The following SLC47A2 variants were observed in gnomAD, a reference collection of about 807,000 sequenced individuals.
SLC47A2 encodes solute carrier family 47 member 2, also known as multidrug and toxin extrusion protein 2.
In SLC47A2, 52 loss-of-function variants were observed where a neutral mutation model predicts 67.7. The ratio of observed to expected loss-of-function variants is 0.77; its 90% CI spans 0.61 to 0.97. The LOEUF (loss-of-function observed/expected upper bound fraction) is 0.97. Ranked by LOEUF, SLC47A2 falls within the 50% of genes least tolerant of loss-of-function variation. SLC47A2 has a pLI of 0.00. For missense variants in SLC47A2, 676 were observed against 712.3 expected (o/e 0.95, Z 0.58); for synonymous variants, 278 against 292.9 (o/e 0.95, Z 0.52).
At chr17:19,705,571 G>A (rs899297097) in intron 9 of SLC47A2, 68 bp from the exon 10 acceptor site, 55 of 1,470,876 alleles carry the variant, frequency 3.7e-5, no homozygotes, top group Middle Eastern at 2.2e-4. Context: ...CCGACAGGAC[G>A]CTGCTTTGCT....
At chr17:19,680,995 C>T (rs1212547639) in intron 15 of SLC47A2, among the ~76,000 whole-genome samples, 3 of 152,042 alleles carry the variant, frequency 2.0e-5, no homozygotes, top group Non-Finnish European at 4.4e-5. Flanking sequence ...GGGCGGATCA[C>T]GAGGTCAGGA....
chr17:19,703,026 T>C (rs1037303777), intron 12 of SLC47A2, 66 bp downstream of exon 12: 10 of 1,513,398 alleles, frequency 6.6e-6, no homozygotes, highest in Non-Finnish European at 9.2e-6. Context: ...ATGTGATAAA[T>C]CTGAGGACAC....
intron 2 of SLC47A2, 45 bp from the exon 3 acceptor site, chr17:19,714,834 C>CT (rs774404796): frequency 7.4e-6 from 12 of 1,612,012 alleles, no homozygotes; most frequent in Non-Finnish European, 9.3e-6. Context: ...CAGGTGAGGC[C>CT]TGAAGAGAGG....
Position 19,705,519 on chromosome 17 carries a change from G to A in SLC47A2, c.842-16C>T, listed in dbSNP as rs200804233. The A allele has an allele frequency of 1.4e-5, 22 of 1,605,568 alleles. No homozygotes were observed. Among genetic ancestry groups the A allele is most frequent in the South Asian group, 2.2e-5 (2 of 89,896 alleles). ...CTGAGCAGCCCTAGAGAAGAGGCCCGCCGTGAGTCCGGCCCGCAGCCCCAG... is the reference window on the plus strand; with the variant it reads ...CTGAGCAGCCCTAGAGAAGAGGCCCACCGTGAGTCCGGCCCGCAGCCCCAG... On this transcript the variant is annotated splice_polypyrimidine_tract_variant and intron_variant, in intron 9 of 16. Transcript: ENST00000433844.
At chr17:19,708,423 T>C (rs2086003547) in intron 6 of SLC47A2, 24 bp from the exon 7 acceptor site, 1 of 1,614,134 alleles carries the variant, frequency 6.2e-7, no homozygotes, top group Non-Finnish European at 8.5e-7. Context: ...AAACTGGCCC[T>C]GCTAAGGTGT....
At chr17:19,708,245 G>T (rs1342206104) in intron 7 of SLC47A2, 57 bp downstream of exon 7, 4 of 1,586,308 alleles carry the variant, frequency 2.5e-6, no homozygotes, top group Non-Finnish European at 3.5e-6. Context: ...TCCACCAGGG[G>T]TGGAGAGCTC....
chr17:19,706,787 A>T, intron 8 of SLC47A2, 26 bp from the exon 9 acceptor site: 1 of 1,577,768 alleles, frequency 6.3e-7, no homozygotes, highest in African/African-American at 1.4e-5. Context: ...CCATGAGCTG[A>T]CAGCCTGCCC....
In SLC47A2 at chr17:19,713,366, C is replaced by T. The variant is rs185885220; in HGVS notation, c.443+459G>A. 7.5e-3 allele frequency among the ~76,000 whole-genome samples: 1,137 copies of T among 151,670 alleles called. 14 individuals are homozygous for T. Among genetic ancestry groups the T allele is most frequent in the African/African-American group, 0.026 (1,067 of 41,308 alleles). ...TTGCACCACTGCACTCCAGCCTGGG[C>T]GACAGAGCGAGACTCTGTCTCAAGT... On this transcript the variant is annotated intron_variant, in intron 4 of 16. Coordinates refer to ENST00000433844, the MANE Select transcript of SLC47A2 (RefSeq NM_001099646.3).
chr17:19,695,499 C>CAAAAAAAA (rs369851386), intron 13 of SLC47A2, among the ~76,000 whole-genome samples: 4 of 55,436 alleles, frequency 7.2e-5, no homozygotes, highest in Non-Finnish European at 9.5e-5. Flanking sequence ...AAACAAAGAA[C>CAAAAAAAA]AAAAAAAAAA....
At chr17:19,690,908 T>C (rs1597601067) in intron 13 of SLC47A2, among the ~76,000 whole-genome samples, 1 of 151,648 alleles carries the variant, frequency 6.6e-6, no homozygotes, top group African/African-American at 2.4e-5. Flanking sequence ...TCACCTGAGG[T>C]CGGGAGTTCT....
chr17:19,704,452 C>CT (rs2085873706), intron 10 of SLC47A2, among the ~76,000 whole-genome samples: 1 of 152,252 alleles, frequency 6.6e-6, no homozygotes, highest in Non-Finnish European at 1.5e-5. Context: ...ACCGAAATCA[C>CT]TGTGTTGTCC....
intron 13 of SLC47A2, among the ~76,000 whole-genome samples, chr17:19,682,286 A>T (rs932673503): frequency 6.6e-6 from 1 of 151,090 alleles, no homozygotes; most frequent in Non-Finnish European, 1.5e-5. Context: ...TGAACCTAGG[A>T]TGCACCACTG....
chr17:19,683,847 A>T (rs1053622243), intron 13 of SLC47A2, among the ~76,000 whole-genome samples: 1 of 152,168 alleles, frequency 6.6e-6, no homozygotes, highest in African/African-American at 2.4e-5. Flanking sequence ...GACATTTTTA[A>T]TCCTAGAAAG....
chr17:19,704,977 C>A, intron 10 of SLC47A2: 1 of 389,936 alleles, frequency 2.6e-6, no homozygotes, highest in South Asian at 4.9e-5. Context: ...AGGCTTGTGC[C>A]ACCATACCTG....
At chr17:19,679,715 C>T (rs2085272299) in intron 16 of SLC47A2, among the ~76,000 whole-genome samples, 1 of 151,948 alleles carries the variant, frequency 6.6e-6, no homozygotes, top group South Asian at 2.1e-4. Context: ...AATGGGCATA[C>T]ATCTAGTTGC....
intron 10 of SLC47A2, chr17:19,704,821 G>GA: frequency 4.8e-6 from 2 of 418,622 alleles, no homozygotes; most frequent in Non-Finnish European, 7.6e-6. Flanking sequence ...GATGGAATGT[G>GA]CTTTTTTTTT....
At chr17:19,716,922 G>A, upstream of SLC47A2, 3 of 202,348 alleles carry the variant, frequency 1.5e-5, no homozygotes, top group South Asian at 4.4e-4. Context: ...CCTGGCTGGG[G>A]CAGCTGAGCC....
chr17:19,703,029 G>GA, intron 12 of SLC47A2, 63 bp downstream of exon 12: 3 of 1,518,830 alleles, frequency 2.0e-6, no homozygotes, highest in Non-Finnish European at 2.7e-6. Context: ...TGATAAATCT[G>GA]AGGACACACT....
At chr17:19,690,302 TCAAAC>T (rs1364699664) in intron 13 of SLC47A2, among the ~76,000 whole-genome samples, 1 of 152,122 alleles carries the variant, frequency 6.6e-6, no homozygotes, top group African/African-American at 2.4e-5. Flanking sequence ...ACTGAAGACC[TCAAAC>T]CATGAAACTA....
Sources: gnomAD v4.1 joint callset for allele counts (sites outside exome capture counted in the v4.1 genomes callset) on GRCh38, gnomAD v4.1.1 for gene constraint, MANE v1.5 for transcripts, NCBI Gene and HGNC (gene_info 2026-07-23, HGNC 2026-07-21) for gene names.